The following PCDHGA9 variants were observed in gnomAD, a reference collection of about 807,000 sequenced individuals.
The protein encoded by PCDHGA9 is protocadherin gamma subfamily A, 9.
Under a neutral mutation model 62.5 loss-of-function variants are expected in PCDHGA9, and 37 were observed. The observed-to-expected ratio is 0.59, with a 90% CI of 0.46 to 0.78. PCDHGA9 has a LOEUF of 0.78. Among genes scored for constraint, PCDHGA9 ranks in the 30% least tolerant of loss-of-function variants. The probability of loss-of-function intolerance (pLI) is 0.00; values close to 1 mark genes in which losing one functional copy is unlikely to be tolerated. For synonymous variants in PCDHGA9, 459 were observed against 484.6 expected (o/e 0.95, Z 0.69); for missense variants, 1,138 against 1,166.2 (o/e 0.98, Z 0.35).
chr5:141,490,715 C>G lies in PCDHGA9; in HGVS notation c.2425-4092C>G, dbSNP rs757619272. The stretch of plus-strand genomic sequence containing the variant: ...GGGGATAATGCCCGCCTCACCTACT[C>G]CATTGTAGGAAATCAGGTTCAGGGA... On this transcript the variant is annotated intron_variant, in intron 1 of 3. Coordinates refer to ENST00000573521, the MANE Select transcript of PCDHGA9 (RefSeq NM_018921.3). This position sits in a 1 kb window ranked among gnomAD's most constrained non-coding sequence, Gnocchi z 5.4. 14 of 1,614,130 alleles carry G rather than the reference C, an allele frequency of 8.7e-6. No individual in the cohort carries two copies. Among genetic ancestry groups the G allele is most frequent in the Non-Finnish European group, 1.1e-5 (13 of 1,179,978 alleles).
At chr5:141,415,656 T>C (rs1211470385) in intron 1 of PCDHGA9, 9 of 1,585,542 alleles carry the variant, frequency 5.7e-6, no homozygotes, top group African/African-American at 1.4e-5. Flanking sequence ...AAAAAAAGAT[T>C]GGTTTTTACT....
Position 141,491,858 on chromosome 5 carries a change from A to G in PCDHGA9, c.2425-2949A>G, listed in dbSNP as rs17208425. 297,575 of 1,456,446 alleles carry G rather than the reference A, an allele frequency of 0.2. 31,644 individuals are homozygous for G. The highest frequency in any genetic ancestry group is 0.33 in the Admixed American group (11,758 of 35,494). 90.2% of individuals were successfully genotyped at this position (1,456,446 alleles called of 1,614,324 possible). On this transcript the variant is annotated intron_variant, in intron 1 of 3. Transcript: ENST00000573521. This position sits in a 1 kb window ranked among gnomAD's most constrained non-coding sequence, Gnocchi z 6.9. ...TCGGGATCATTGGACCGTTTGCGCG[A>G]AACCAGAGTGGCCGATTAAGGGATG... is the stretch of plus-strand genomic sequence containing the variant.
chr5:141,509,308 C>G (rs943174290), intron 3 of PCDHGA9, among the ~76,000 whole-genome samples: 6 of 152,152 alleles, frequency 3.9e-5, no homozygotes, highest in African/African-American at 1.4e-4. Flanking sequence ...CAGAGGGAGG[C>G]TGGGAGAGAA....
At chr5:141,423,836 GATA>G (rs752488755) in intron 1 of PCDHGA9, 23 of 1,275,246 alleles carry the variant, frequency 1.8e-5, no homozygotes, top group Non-Finnish European at 2.1e-5. Context: ...ATGAGATTAC[GATA>G]ATCTTTCAGA....
chr5:141,453,700 G>T (rs953445370), intron 1 of PCDHGA9, among the ~76,000 whole-genome samples: 1 of 152,166 alleles, frequency 6.6e-6, no homozygotes, highest in East Asian at 1.9e-4. Flanking sequence ...TCCTGGCTTT[G>T]AACAGTTTCA....
chr5:141,458,702 T>G (rs1333580253), intron 1 of PCDHGA9, among the ~76,000 whole-genome samples: 1 of 152,102 alleles, frequency 6.6e-6, no homozygotes, highest in East Asian at 1.9e-4. Context: ...CCCGAGTAGC[T>G]GGGATTACAG....
intron 1 of PCDHGA9, chr5:141,411,661 C>T (rs2095505180): frequency 6.6e-6 from 1 of 150,762 alleles, no homozygotes; most frequent in African/African-American, 2.4e-5. Context: ...GGTGGAGAAT[C>T]TCTTGAGCGC....
Position 141,429,441 on chromosome 5 carries a change from T to C in PCDHGA9, c.2424+24065T>C, listed in dbSNP as rs541676798. On this transcript the variant is annotated intron_variant, in intron 1 of 3. Transcript: ENST00000573521. ...TGTTGCCCAGGCTGGACTCAAACTCTTGGGCTACAGTAATCCTCCCACCTC... is the reference window on the plus strand; with the variant it reads ...TGTTGCCCAGGCTGGACTCAAACTCCTGGGCTACAGTAATCCTCCCACCTC... 1.5e-4 allele frequency among the ~76,000 whole-genome samples: 23 copies of C among 152,170 alleles called. No individual in the cohort carries two copies. The South Asian group carries it at 4.6e-3, about 30-fold the overall frequency.
intron 1 of PCDHGA9, chr5:141,416,520 G>A (rs1209482346): frequency 6.6e-6 from 1 of 152,136 alleles, no homozygotes; most frequent in African/African-American, 2.4e-5. Context: ...TATTTCAGTG[G>A]CTCTTTAATG....
Position 141,486,416 on chromosome 5 carries a change from C to G in PCDHGA9, c.2425-8391C>G. The G allele has an allele frequency of 4.3e-6, 7 of 1,614,152 alleles. No homozygotes were observed. The highest frequency in any genetic ancestry group is 5.9e-6 in the Non-Finnish European group (7 of 1,180,016). On this transcript the variant is annotated intron_variant, in intron 1 of 3. Coordinates refer to ENST00000573521, the MANE Select transcript of PCDHGA9 (RefSeq NM_018921.3). The surrounding 1 kb of genome is among the most constrained non-coding windows in gnomAD (Gnocchi z 5.0). Reference sequence around the variant, plus strand: ...CCTGGTGACTGCTGGACCCTTGGATCGAGAGGCCAAATCTAGCTATGACAT... The same window carrying G: ...CCTGGTGACTGCTGGACCCTTGGATGGAGAGGCCAAATCTAGCTATGACAT...
intron 1 of PCDHGA9, among the ~76,000 whole-genome samples, chr5:141,439,557 A>C (rs766239185): frequency 1.2e-4 from 19 of 152,178 alleles, no homozygotes; most frequent in Non-Finnish European, 2.2e-4. Context: ...TTCAGGCTGC[A>C]GTTCTAGAGT....
intron 1 of PCDHGA9, among the ~76,000 whole-genome samples, chr5:141,488,839 G>A (rs954244872): frequency 2.6e-5 from 4 of 152,206 alleles, no homozygotes; most frequent in African/African-American, 9.6e-5. Flanking sequence ...CAAGGGGGCT[G>A]AATCAACCTG....
intron 1 of PCDHGA9, among the ~76,000 whole-genome samples, chr5:141,438,036 C>T (rs1299733977): frequency 4.6e-5 from 7 of 152,026 alleles, no homozygotes; most frequent in South Asian, 2.1e-4. Flanking sequence ...CCACCATGCC[C>T]GACCACTTTG....
At chr5:141,406,043 A>G (rs1346440934) in intron 1 of PCDHGA9, among the ~76,000 whole-genome samples, 3 of 150,174 alleles carry the variant, frequency 2.0e-5, no homozygotes, top group East Asian at 3.9e-4. Context: ...CATTGGTTGC[A>G]GTGGACTCAT....
At chr5:141,464,091 T>G (rs2099075583) in intron 1 of PCDHGA9, among the ~76,000 whole-genome samples, 1 of 151,812 alleles carries the variant, frequency 6.6e-6, no homozygotes, top group African/African-American at 2.4e-5. Flanking sequence ...ATGGTGAAAC[T>G]CCGTCTCTAC....
At chr5:141,405,582 C>T in intron 1 of PCDHGA9, 3 of 589,180 alleles carry the variant, frequency 5.1e-6, no homozygotes, top group African/African-American at 1.9e-5. Context: ...GTAGCTGGGA[C>T]TACAGGCCTC....
chr5:141,443,385 T>G (rs2098386152), intron 1 of PCDHGA9, among the ~76,000 whole-genome samples: 2 of 151,940 alleles, frequency 1.3e-5, no homozygotes, highest in African/African-American at 4.8e-5. Flanking sequence ...CTTGGGAGGC[T>G]GAGGTGTGAG....
In PCDHGA9 at chr5:141,404,936, G is replaced by A. The variant is rs755365273; in HGVS notation, c.1984G>A (p.Val662Ile). ...TCTCTCGGCCACTGTCACGCTCACA[G>A]TAGCCATAGCTGACAGCATCCCAGA... is the stretch of plus-strand genomic sequence containing the variant. The part of the protein sequence containing the change: ...PPLSATVTLT[V>I]AIADSIPDIL... The change falls in exon 1 of 4, where the codon GTA becomes ATA. Residue 662 changes from valine to isoleucine, a missense_variant. Coordinates refer to ENST00000573521, the MANE Select transcript of PCDHGA9 (RefSeq NM_018921.3). 1.9e-6 allele frequency: 3 copies of A among 1,613,858 alleles called. No individual in the cohort carries two copies. The South Asian group carries it at 3.3e-5, about 18-fold the overall frequency.
At position 141,489,505 on chromosome 5, in the gene PCDHGA9, A is replaced by G. The variant is rs1198371307; in HGVS notation, c.2425-5302A>G. On this transcript the variant is annotated intron_variant, in intron 1 of 3. Transcript: ENST00000573521. The surrounding 1 kb of genome is among the most constrained non-coding windows in gnomAD (Gnocchi z 4.5). ...GAGTGGTGCCCTGGCAGTGAATCAA[A>G]AGATTGACCGAGAAAGCCTATGTGG... The G allele has an allele frequency of 1.9e-6, 3 of 1,613,972 alleles. No homozygotes were observed. The Admixed American group carries it at 5.0e-5, about 27-fold the overall frequency.
Sources: gnomAD v4.1 joint callset for allele counts (sites outside exome capture counted in the v4.1 genomes callset) on GRCh38, gnomAD v4.1.1 for gene constraint, Gnocchi (gnomAD v3.1) non-coding constraint, MANE v1.5 for transcripts, NCBI Gene and HGNC (gene_info 2026-07-23, HGNC 2026-07-21) for gene names.